Variants in SYNPR observed in about 807,000 individuals in gnomAD.
SYNPR encodes the protein synaptoporin.
A neutral mutation model predicts 32.9 loss-of-function variants in SYNPR; 23 were observed. The ratio of observed to expected loss-of-function variants is 0.70; its 90% CI spans 0.50 to 0.99. The LOEUF (loss-of-function observed/expected upper bound fraction) is 0.99. SYNPR is among the 50% of genes least tolerant of loss of function. The pLI, the probability that SYNPR is intolerant of heterozygous loss-of-function variation, is 0.00. For missense variants in SYNPR, 318 were observed against 349.3 expected (o/e 0.91, Z 0.71); for synonymous variants, 146 against 135.9 (o/e 1.07, Z -0.52).
intron 2 of SYNPR, among the ~76,000 whole-genome samples, chr3:63,359,275 A>C (rs1333770173): frequency 4.6e-5 from 7 of 152,156 alleles, no homozygotes; most frequent in Admixed American, 4.6e-4. Context: ...CAGATTCTCC[A>C]AACAGGAGAC....
At chr3:63,471,284 T>C (rs1700791097) in intron 2 of SYNPR, among the ~76,000 whole-genome samples, 1 of 152,218 alleles carries the variant, frequency 6.6e-6, no homozygotes, top group Non-Finnish European at 1.5e-5. Flanking sequence ...GAGGAAAGCC[T>C]TTTAACAATA....
chr3:63,409,517 T>G (rs953518379), intron 2 of SYNPR, among the ~76,000 whole-genome samples: 2 of 152,158 alleles, frequency 1.3e-5, no homozygotes, highest in African/African-American at 4.8e-5. Context: ...AATCCTGGGC[T>G]CTGCTGTCTT....
intron 2 of SYNPR, among the ~76,000 whole-genome samples, chr3:63,419,185 G>A (rs1245013367): frequency 6.6e-6 from 1 of 152,188 alleles, no homozygotes; most frequent in African/African-American, 2.4e-5. Context: ...GTAAGTGATG[G>A]CAAGCCCCCT....
At chr3:63,348,487 T>G (rs967340724) in intron 2 of SYNPR, among the ~76,000 whole-genome samples, 1 of 152,220 alleles carries the variant, frequency 6.6e-6, no homozygotes, top group Admixed American at 6.5e-5. Context: ...AGTTGTGTGT[T>G]CACTCTGTTG....
intron 3 of SYNPR, among the ~76,000 whole-genome samples, chr3:63,546,970 C>T (rs1702417120): frequency 6.6e-6 from 1 of 152,032 alleles, no homozygotes; most frequent in East Asian, 1.9e-4. Context: ...CTGGAAAATG[C>T]CATTTATCCG....
At chr3:63,303,939 G>A (rs2106944485) in intron 2 of SYNPR, among the ~76,000 whole-genome samples, 1 of 152,008 alleles carries the variant, frequency 6.6e-6, no homozygotes, top group East Asian at 1.9e-4. Flanking sequence ...GGATAATTCT[G>A]GGCAGTTGAG....
At chr3:63,288,880 T>A (rs9873596) in intron 2 of SYNPR, among the ~76,000 whole-genome samples, 70,503 of 151,910 alleles carry the variant, frequency 0.46, 16,544 homozygotes, top group Middle Eastern at 0.52. Flanking sequence ...AGCAAATACC[T>A]CTGGAAAAAT....
At chr3:63,297,595 T>G (rs2086802299) in intron 2 of SYNPR, among the ~76,000 whole-genome samples, 1 of 152,184 alleles carries the variant, frequency 6.6e-6, no homozygotes. Flanking sequence ...TTCATCAAGG[T>G]TTAGCTATCA....
At chr3:63,232,055 C>T (rs909447206) in intron 1 of SYNPR, among the ~76,000 whole-genome samples, 6 of 151,956 alleles carry the variant, frequency 3.9e-5, no homozygotes, top group Non-Finnish European at 8.8e-5. Context: ...CAGAGCTGGT[C>T]TAATACAGTG....
intron 3 of SYNPR, among the ~76,000 whole-genome samples, chr3:63,540,196 G>A (rs1458336987): frequency 6.6e-6 from 1 of 152,108 alleles, no homozygotes; most frequent in Non-Finnish European, 1.5e-5. Context: ...AGTAGGTCAT[G>A]TTATTATCAC....
At chr3:63,292,894 G>A (rs988833280) in intron 2 of SYNPR, among the ~76,000 whole-genome samples, 1 of 152,162 alleles carries the variant, frequency 6.6e-6, no homozygotes, top group African/African-American at 2.4e-5. Flanking sequence ...TTAGGCAGGT[G>A]TGGTTGGCAA....
chr3:63,476,751 C>T (rs1011955807), intron 2 of SYNPR, among the ~76,000 whole-genome samples: 1 of 152,190 alleles, frequency 6.6e-6, no homozygotes, highest in African/African-American at 2.4e-5. Context: ...AACACCCCCC[C>T]AGGTATAACC....
At chr3:63,344,550 A>ATTTT (rs10627844) in intron 2 of SYNPR, among the ~76,000 whole-genome samples, 2,173 of 130,450 alleles carry the variant, frequency 0.017, 61 homozygotes, top group African/African-American at 0.026. Context: ...TTCAAAAAAG[A>ATTTT]TTTTTTTTTT....
At chr3:63,431,717 C>T (rs1699997996) in intron 2 of SYNPR, among the ~76,000 whole-genome samples, 1 of 151,444 alleles carries the variant, frequency 6.6e-6, no homozygotes, top group Admixed American at 6.6e-5. Context: ...AATCATCAAG[C>T]CCATTAAAAA....
At chr3:63,255,305 G>A (rs2086372605) in intron 2 of SYNPR, among the ~76,000 whole-genome samples, 1 of 152,050 alleles carries the variant, frequency 6.6e-6, no homozygotes, top group African/African-American at 2.4e-5. Flanking sequence ...TTTCAACCCT[G>A]CCACAACACT....
At position 63,271,855 on chromosome 3, in the gene SYNPR, G is replaced by A. The variant is rs1047702962; in HGVS notation, n.287+4406G>A. Among the ~76,000 whole-genome samples, 7 of 152,138 alleles carry A rather than the reference G, an allele frequency of 4.6e-5. No individual in the cohort carries two copies. The East Asian group carries it at 1.4e-3, about 29-fold the overall frequency. ...TTTAGGATTATCCAATAATGTATGTGTATGTGTATCCGTACATCCCCCAAA... is the reference window on the plus strand; with the variant it reads ...TTTAGGATTATCCAATAATGTATGTATATGTGTATCCGTACATCCCCCAAA... On this transcript the variant is annotated intron_variant and non_coding_transcript_variant, in intron 3 of 4. Coordinates refer to the SYNPR transcript ENST00000478456.
In SYNPR at chr3:63,380,771, C is replaced by G. The variant is rs578049226; in HGVS notation, c.85-100061C>G. Reference sequence around the variant, plus strand: ...ACATATGCAAATCAATAAACGTAATCCAGCATATACACAGAACCAAAGACA... The same window carrying G: ...ACATATGCAAATCAATAAACGTAATGCAGCATATACACAGAACCAAAGACA... On this transcript the variant is annotated intron_variant, in intron 2 of 5. Transcript: ENST00000478300. Among the ~76,000 whole-genome samples the G allele has an allele frequency of 5.8e-3, 881 of 152,232 alleles. 2 individuals carry two copies. Among genetic ancestry groups the G allele is most frequent in the Non-Finnish European group, 9.5e-3 (643 of 68,030 alleles).
Position 63,242,901 on chromosome 3 carries a change from A to C in SYNPR, n.67-9598A>C, listed in dbSNP as rs115842454. ...AGGTTTGAAAAATGGGAAAGAATGA[A>C]ATGGAAATCTGAAAATAAAAATTAT... On this transcript the variant is annotated intron_variant and non_coding_transcript_variant, in intron 1 of 4. Coordinates refer to the SYNPR transcript ENST00000478456. Among the ~76,000 whole-genome samples, 1,065 of 152,182 alleles carry C rather than the reference A, an allele frequency of 7.0e-3. 15 individuals are homozygous for C. Among genetic ancestry groups the C allele is most frequent in the African/African-American group, 0.023 (965 of 41,552 alleles).
At chr3:63,365,812 T>C (rs1357732453) in intron 2 of SYNPR, among the ~76,000 whole-genome samples, 1 of 152,224 alleles carries the variant, frequency 6.6e-6, no homozygotes, top group East Asian at 1.9e-4. Flanking sequence ...CATTCTTTTA[T>C]TACATTTTCT....
Sources: gnomAD v4.1 joint callset for allele counts (sites outside exome capture counted in the v4.1 genomes callset) on GRCh38, gnomAD v4.1.1 for gene constraint, MANE v1.5 for transcripts, NCBI Gene and HGNC (gene_info 2026-07-23, HGNC 2026-07-21) for gene names.